ROR2: variants seen among roughly 807,000 people sequenced by gnomAD.
ROR2 encodes the protein ROR family WNT receptor 2, also known as tyrosine-protein kinase transmembrane receptor ROR2.
ROR2 carries 33 observed loss-of-function variants against 74.9 expected under a neutral mutation model. That is an observed-to-expected ratio of 0.44 (90% confidence interval 0.33 to 0.59). The LOEUF is 0.59. Ranked by LOEUF, ROR2 falls within the 20% of genes least tolerant of loss-of-function variation. ROR2 has a pLI of 0.02. For synonymous variants in ROR2, 586 were observed against 558.7 expected, an observed-to-expected ratio of 1.05 and a Z score of -0.69; for missense variants, 1,216 against 1,313.8, an observed-to-expected ratio of 0.93 and a Z score of 1.15.
intron 1 of ROR2, among the ~76,000 whole-genome samples, chr9:91,839,277 T>TACAG (rs113477127): frequency 2.1e-4 from 30 of 145,248 alleles, no homozygotes; most frequent in African/African-American, 7.9e-4. Context: ...TGTGTGTGTG[T>TACAG]GTGTGTGTGT....
intron 7 of ROR2, among the ~76,000 whole-genome samples, chr9:91,728,447 T>C (rs577905954): frequency 6.4e-4 from 97 of 152,350 alleles, no homozygotes; most frequent in African/African-American, 2.1e-3. Context: ...TTATTTATTT[T>C]TGAGATGGAG....
chr9:91,796,791 T>A, intron 1 of ROR2, among the ~76,000 whole-genome samples: 1 of 129,194 alleles, frequency 7.7e-6, no homozygotes, highest in East Asian at 3.2e-4. Flanking sequence ...CCCTGGGCTC[T>A]GTGGGTGGGG....
intron 1 of ROR2, among the ~76,000 whole-genome samples, chr9:91,944,601 C>T (rs1831963796): frequency 6.6e-6 from 1 of 152,134 alleles, no homozygotes; most frequent in Non-Finnish European, 1.5e-5. Context: ...TTAAAAAACA[C>T]AATTCCAATT....
intron 1 of ROR2, among the ~76,000 whole-genome samples, chr9:91,871,566 T>A (rs1829797681): frequency 6.6e-6 from 1 of 152,170 alleles, no homozygotes; most frequent in South Asian, 2.1e-4. Context: ...TCACATGCTC[T>A]CCATATGGTG....
At chr9:91,900,997 G>A (rs377348135) in intron 1 of ROR2, among the ~76,000 whole-genome samples, 2 of 152,230 alleles carry the variant, frequency 1.3e-5, no homozygotes, top group African/African-American at 4.8e-5. Flanking sequence ...TTTTTAATGT[G>A]TACTACGAGG....
chr9:91,874,580 A>G (rs966463268), intron 1 of ROR2, among the ~76,000 whole-genome samples: 2 of 152,168 alleles, frequency 1.3e-5, no homozygotes, highest in African/African-American at 4.8e-5. Flanking sequence ...TGCTTCACAG[A>G]TTTCTTCCCG....
At chr9:91,779,189 G>T (rs1826525027) in intron 1 of ROR2, among the ~76,000 whole-genome samples, 1 of 152,096 alleles carries the variant, frequency 6.6e-6, no homozygotes, top group Non-Finnish European at 1.5e-5. Flanking sequence ...GGGAAACTGG[G>T]TGTGGGGTGT....
At chr9:91,758,225 G>A (rs76636389) in intron 2 of ROR2, among the ~76,000 whole-genome samples, 4,078 of 152,242 alleles carry the variant, frequency 0.027, 173 homozygotes, top group African/African-American at 0.093. Flanking sequence ...CAAAAGCACC[G>A]TAAGTATTGA....
intron 4 of ROR2, among the ~76,000 whole-genome samples, chr9:91,751,063 C>G (rs946880788): frequency 6.6e-6 from 1 of 152,138 alleles, no homozygotes; most frequent in Non-Finnish European, 1.5e-5. Flanking sequence ...CTGGCCATTC[C>G]TGGGAGAGGT....
intron 1 of ROR2, among the ~76,000 whole-genome samples, chr9:91,781,334 ACT>A (rs1491491187): frequency 6.6e-6 from 1 of 152,248 alleles, no homozygotes; most frequent in African/African-American, 2.4e-5. Context: ...CTGTGCACCC[ACT>A]GTCCCACTTG....
At chr9:91,894,836 T>C (rs181485507) in intron 1 of ROR2, among the ~76,000 whole-genome samples, 3 of 152,320 alleles carry the variant, frequency 2.0e-5, no homozygotes, top group East Asian at 1.9e-4. Context: ...CTCATGAGAA[T>C]GCAAAATGGT....
At position 91,917,669 on chromosome 9, in the gene ROR2, G is replaced by A. The variant is rs559803760; in HGVS notation, c.97+32198C>T. Among the ~76,000 whole-genome samples, 6 of 152,340 alleles carry A rather than the reference G, an allele frequency of 3.9e-5. No individual in the cohort carries two copies. In the South Asian group the frequency reaches 1.2e-3, roughly 32 times the overall value. ...ACAGCAACGGTGCTCCCCACATTGG[G>A]CAAAACCAGCGTACCTGGTGTAGAG... is the stretch of plus-strand genomic sequence containing the variant. On this transcript the variant is annotated intron_variant, in intron 1 of 8. Transcript: ENST00000375708.
At chr9:91,851,587 A>G (rs1399603440) in intron 1 of ROR2, among the ~76,000 whole-genome samples, 2 of 152,196 alleles carry the variant, frequency 1.3e-5, no homozygotes, top group Non-Finnish European at 2.9e-5. Context: ...CAAATTCTAT[A>G]AAATAACTTA....
intron 1 of ROR2, among the ~76,000 whole-genome samples, chr9:91,805,618 C>T (rs934209978): frequency 3.9e-5 from 6 of 152,162 alleles, no homozygotes; most frequent in African/African-American, 7.2e-5. Context: ...GAAATGCCAG[C>T]GTGGCCTGGG....
At chr9:91,882,755 G>A (rs1830153107) in intron 1 of ROR2, among the ~76,000 whole-genome samples, 1 of 152,110 alleles carries the variant, frequency 6.6e-6, no homozygotes, top group East Asian at 1.9e-4. Flanking sequence ...GTCATAAGAA[G>A]AGCAGATGAG....
At chr9:91,813,468 C>T (rs1827825278) in intron 1 of ROR2, among the ~76,000 whole-genome samples, 2 of 152,162 alleles carry the variant, frequency 1.3e-5, no homozygotes, top group South Asian at 4.1e-4. Context: ...GTCTGTGGAA[C>T]AGCACTCAGG....
intron 1 of ROR2, among the ~76,000 whole-genome samples, chr9:91,837,220 C>T (rs1356907926): frequency 6.6e-6 from 1 of 152,116 alleles, no homozygotes. Context: ...GGCGCGATCT[C>T]AGCCACCACG....
chr9:91,912,805 G>C (rs78819566), intron 1 of ROR2, among the ~76,000 whole-genome samples: 2 of 152,076 alleles, frequency 1.3e-5, no homozygotes, highest in Non-Finnish European at 2.9e-5. Context: ...CTAATCTTAA[G>C]ACCATAAAAA....
Position 91,838,855 on chromosome 9 carries a change from G to C in ROR2, c.98-63037C>G, listed in dbSNP as rs1343431752. ...CTCCATTCTGGAGTTTTAAATAAAC[G>C]GGCACAAAGAACAAGAAAATCGTCT... On this transcript the variant is annotated intron_variant, in intron 1 of 8. Coordinates refer to ENST00000375708, the MANE Select transcript of ROR2 (RefSeq NM_004560.4). Among the ~76,000 whole-genome samples the C allele has an allele frequency of 2.6e-5, 4 of 152,106 alleles. No homozygotes were observed. In the South Asian group the frequency reaches 6.2e-4, roughly 24 times the overall value.
Sources: gnomAD v4.1 joint callset for allele counts (sites outside exome capture counted in the v4.1 genomes callset) on GRCh38, gnomAD v4.1.1 for gene constraint, MANE v1.5 for transcripts, NCBI Gene and HGNC (gene_info 2026-07-23, HGNC 2026-07-21) for gene names.